Variants in APOD observed in about 807,000 individuals in gnomAD.
APOD encodes apolipoprotein D.
A neutral mutation model predicts 20.4 loss-of-function variants in APOD; 22 were observed. The ratio of observed to expected loss-of-function variants is 1.08; its 90% CI spans 0.77 to 1.54. APOD has a LOEUF of 1.54. Among genes scored for constraint, APOD ranks in the 40% most tolerant of loss-of-function variants. The probability of loss-of-function intolerance (pLI) is 0.00; values close to 1 mark genes in which losing one functional copy is unlikely to be tolerated. For missense variants in APOD, 223 were observed against 229.6 expected (o/e 0.97, Z 0.19); for synonymous variants, 97 against 92.4 (o/e 1.05, Z -0.29).
intron 4 of APOD, 67 bp from the exon 5 acceptor site, chr3:195,569,202 A>C: frequency 7.0e-7 from 1 of 1,427,550 alleles, no homozygotes; most frequent in Non-Finnish European, 9.9e-7. Flanking sequence ...ACAACACAAG[A>C]AGGCTGGCCC....
chr3:195,581,614 C>G (rs1323847439), intron 1 of APOD, among the ~76,000 whole-genome samples: 1 of 152,176 alleles, frequency 6.6e-6, no homozygotes, highest in Non-Finnish European at 1.5e-5. Flanking sequence ...CTCCATCTCC[C>G]CCTCTCCTGT....
At chr3:195,580,565 C>T (rs374434598) in intron 1 of APOD, among the ~76,000 whole-genome samples, 3 of 152,018 alleles carry the variant, frequency 2.0e-5, no homozygotes, top group South Asian at 2.1e-4. Flanking sequence ...CCACAACTCC[C>T]GGCTAATTTT....
intron 2 of APOD, among the ~76,000 whole-genome samples, chr3:195,576,267 A>T (rs1720246224): frequency 6.6e-6 from 1 of 152,212 alleles, no homozygotes; most frequent in Non-Finnish European, 1.5e-5. Flanking sequence ...AGGAAGCATG[A>T]TTTTTCAGAA....
Position 195,579,324 on chromosome 3 carries a change from A to T in APOD, c.123+15T>A, listed in dbSNP as rs1346773087. On this transcript the variant is annotated intron_variant, in intron 2 of 4. Transcript: ENST00000343267. ...CAGCGGAGGCAGCAAAACAAACGGG[A>T]GGTTCGCCTTTTACCTTATTCACGT... 2.4e-5 allele frequency: 39 copies of T among 1,613,904 alleles called. No homozygotes were observed. Among genetic ancestry groups the T allele is most frequent in the Non-Finnish European group, 3.1e-5 (37 of 1,179,824 alleles).
At chr3:195,581,190 T>C (rs1321845504) in intron 1 of APOD, among the ~76,000 whole-genome samples, 1 of 151,938 alleles carries the variant, frequency 6.6e-6, no homozygotes, top group Non-Finnish European at 1.5e-5. Flanking sequence ...ATGTAAGGAG[T>C]GGCAGCTTGC....
Position 195,579,401 on chromosome 3 carries a change from G to C in APOD, c.61C>G (p.Gln21Glu). The C allele has an allele frequency of 6.2e-7, 1 of 1,614,190 alleles. No individual in the cohort carries two copies. Among genetic ancestry groups the C allele is most frequent in the Non-Finnish European group, 8.5e-7 (1 of 1,180,022 alleles). The change falls in exon 2 of 5, where the codon CAA (glutamine) becomes GAA (glutamate). Residue 21 changes from glutamine to glutamate, a missense_variant. By Grantham distance (29) the Gln-to-Glu change is conservative. Transcript: ENST00000343267. ...LAGLFGAAEGQAFHLGKCPNP... is the reference protein window; with the variant it reads ...LAGLFGAAEGEAFHLGKCPNP... ...GGGCACTTCCCAAGATGAAATGCTT[G>C]TCCCTCTGCCGCACCGAAGAGGCCA...
At chr3:195,576,459 A>G (rs1314178782) in intron 2 of APOD, among the ~76,000 whole-genome samples, 1 of 152,232 alleles carries the variant, frequency 6.6e-6, no homozygotes, top group East Asian at 1.9e-4. Context: ...ACCAAAAACT[A>G]TTGGATCTAA....
intron 2 of APOD, chr3:195,577,195 AAAG>A (rs1435046587): frequency 1.4e-5 from 5 of 351,532 alleles, no homozygotes; most frequent in African/African-American, 2.3e-5. Flanking sequence ...TCAAAAAAAA[AAAG>A]AAAAGAAAAG....
intron 2 of APOD, among the ~76,000 whole-genome samples, chr3:195,574,580 C>T (rs1366704405): frequency 6.6e-6 from 1 of 152,212 alleles, no homozygotes; most frequent in Non-Finnish European, 1.5e-5. Flanking sequence ...GAGACCATAC[C>T]AGTTTACAAC....
At chr3:195,581,406 A>C (rs1720336627) in intron 1 of APOD, among the ~76,000 whole-genome samples, 1 of 152,154 alleles carries the variant, frequency 6.6e-6, no homozygotes, top group African/African-American at 2.4e-5. Context: ...TTTTAAAGAG[A>C]TCTTGAATTC....
intron 4 of APOD, among the ~76,000 whole-genome samples, chr3:195,569,623 T>C (rs1720123341): frequency 6.6e-6 from 1 of 152,002 alleles, no homozygotes; most frequent in Non-Finnish European, 1.5e-5. Flanking sequence ...TACAGAAAAC[T>C]TCACATGTCT....
rs148339732 is a variant in APOD at position 195,571,082 on chromosome 3, G to A, written c.334+195C>T. On this transcript the variant is annotated intron_variant, in intron 4 of 4. Coordinates refer to ENST00000343267, the MANE Select transcript of APOD (RefSeq NM_001647.4). Reference sequence around the variant, plus strand: ...CCACACTGGGATGTGAGCTCCATAAGTACCAAGGCCAGCTCTGTCCGGCTC... The same window carrying A: ...CCACACTGGGATGTGAGCTCCATAAATACCAAGGCCAGCTCTGTCCGGCTC... 973 of 609,030 alleles carry A rather than the reference G, an allele frequency of 1.6e-3. 8 individuals are homozygous for A. The highest frequency in any genetic ancestry group is 0.014 in the Middle Eastern group (33 of 2,322). 37.7% of individuals were successfully genotyped at this position (609,030 alleles called of 1,614,324 possible). A position where few individuals can be genotyped will look rare whatever the true frequency, so the allele number is the denominator to read the frequency against.
chr3:195,569,352 G>A (rs1334195918), intron 4 of APOD, among the ~76,000 whole-genome samples: 1 of 152,156 alleles, frequency 6.6e-6, no homozygotes, highest in Admixed American at 6.5e-5. Flanking sequence ...TGCCCTGCCT[G>A]CCTGCCTGCC....
rs549790831 is a variant in APOD, at chr3:195,571,954, T to G, written c.246-589A>C. ...ACCACCACGCCTGGCTAATTTTTTG[T>G]ATCTTTAGTAGAGACGGGGTTTCAC... is the stretch of plus-strand genomic sequence containing the variant. On this transcript the variant is annotated intron_variant, in intron 3 of 4. Transcript: ENST00000343267. Among the ~76,000 whole-genome samples, 4 of 152,234 alleles carry G rather than the reference T, an allele frequency of 2.6e-5. No individual in the cohort carries two copies. The South Asian group carries it at 8.3e-4, about 32-fold the overall frequency.
In APOD at chr3:195,571,106, T is replaced by G. The variant is rs1009710981; in HGVS notation, c.334+171A>C. 1.3e-4 allele frequency: 88 copies of G among 667,088 alleles called. No homozygotes were observed. The African/African-American group carries it at 1.5e-3, about 11-fold the overall frequency. The allele number at this position is 667,088 out of a possible 1,614,324, so 41.3% of individuals were successfully genotyped here. A position where few individuals can be genotyped will look rare whatever the true frequency, so the allele number is the denominator to read the frequency against. ...AGTACCAAGGCCAGCTCTGTCCGGCTCATCATGGCAACCCTAGTGCGTGAC... is the reference window on the plus strand; with the variant it reads ...AGTACCAAGGCCAGCTCTGTCCGGCGCATCATGGCAACCCTAGTGCGTGAC... On this transcript the variant is annotated intron_variant, in intron 4 of 4. Coordinates refer to ENST00000343267, the MANE Select transcript of APOD (RefSeq NM_001647.4).
At chr3:195,575,613 CT>C (rs1720235011) in intron 2 of APOD, among the ~76,000 whole-genome samples, 1 of 152,050 alleles carries the variant, frequency 6.6e-6, no homozygotes, top group Admixed American at 6.6e-5. Flanking sequence ...ATATATTTAT[CT>C]AGTTAAAATA....
Position 195,572,882 on chromosome 3 carries a change from A to G in APOD, c.245+968T>C, listed in dbSNP as rs150105980. ...ATTAAAAAAAAAAAAGAAAGTCAGT[A>G]GGTTAATGCTATGGTTAGTGGTGAC... On this transcript the variant is annotated intron_variant, in intron 3 of 4. Transcript: ENST00000343267. 3.9e-5 allele frequency among the ~76,000 whole-genome samples: 6 copies of G among 152,212 alleles called. No homozygotes were observed. In the East Asian group the frequency reaches 1.2e-3, roughly 29 times the overall value.
chr3:195,583,555 G>A (rs540114425), intron 1 of APOD, among the ~76,000 whole-genome samples: 2 of 152,254 alleles, frequency 1.3e-5, no homozygotes, highest in African/African-American at 2.4e-5. Context: ...CACCTAGGAC[G>A]GTGTTTGTGC....
chr3:195,575,870 C>T (rs1720239310), intron 2 of APOD, among the ~76,000 whole-genome samples: 1 of 152,140 alleles, frequency 6.6e-6, no homozygotes, highest in African/African-American at 2.4e-5. Flanking sequence ...TAGTGATCCC[C>T]CTGCCTCGGC....
Sources: gnomAD v4.1 joint callset for allele counts (sites outside exome capture counted in the v4.1 genomes callset) on GRCh38, gnomAD v4.1.1 for gene constraint, MANE v1.5 for transcripts, NCBI Gene and HGNC (gene_info 2026-07-23, HGNC 2026-07-21) for gene names.